The following SPTA1 variants were observed in gnomAD, a reference collection of about 807,000 sequenced individuals.
SPTA1 encodes the protein spectrin alpha, erythrocytic 1, also known as spectrin alpha chain, erythrocytic 1.
Under a neutral mutation model 324.7 loss-of-function variants are expected in SPTA1, and 177 were observed. The ratio of observed to expected loss-of-function variants is 0.55; its 90% CI spans 0.48 to 0.62. The LOEUF is 0.62. Ranked by LOEUF, SPTA1 falls within the 20% of genes least tolerant of loss-of-function variation. The pLI, the probability that SPTA1 is intolerant of heterozygous loss-of-function variation, is 0.00. For missense variants in SPTA1, 3,162 were observed against 2,883.6 expected (o/e 1.10, Z -2.21); for synonymous variants, 1,195 against 1,041.3 (o/e 1.15, Z -2.84).
At position 158,662,921 on chromosome 1, in the gene SPTA1, G is replaced by T. The variant is rs777149969; in HGVS notation, c.2245C>A (p.Leu749Met). Residue 749 changes from leucine to methionine, a missense_variant, in exon 17 of 52, where the codon CTG becomes ATG. Leu to Met is a conservative substitution (Grantham distance 15, BLOSUM62 2). Coordinates refer to ENST00000643759, the MANE Select transcript of SPTA1 (RefSeq NM_003126.4). ...CCTATTTCTTCAAAATATGCAGCCA[G>T]GTCTGTAAGGATATCCACCTGATCC... ...RQDQVDILTD[L>M]AAYFEEIGHP... 8.7e-6 allele frequency: 14 copies of T among 1,613,916 alleles called. No homozygotes were observed. The Admixed American group carries it at 1.5e-4, about 17-fold the overall frequency.
intron 39 of SPTA1, among the ~76,000 whole-genome samples, chr1:158,632,759 C>CTTTT (rs34990595): frequency 1.4e-5 from 2 of 138,326 alleles, no homozygotes; most frequent in Non-Finnish European, 1.6e-5. Context: ...AGGAATTTGG[C>CTTTT]TTTTTTTTTT....
chr1:158,644,201 T>C (rs1051478690), intron 30 of SPTA1, 52 bp downstream of exon 30: 5 of 1,604,746 alleles, frequency 3.1e-6, no homozygotes, highest in Non-Finnish European at 4.3e-6. Flanking sequence ...GTAGGATTTC[T>C]GTTATTATTA....
At chr1:158,636,178 G>T in intron 37 of SPTA1, 144 bp from the exon 38 acceptor site, 1 of 1,432,254 alleles carries the variant, frequency 7.0e-7, no homozygotes, top group Non-Finnish European at 9.7e-7. Context: ...TGAAAGTCCA[G>T]GGAGAATGAT....
chr1:158,634,770 C>G lies in SPTA1; in HGVS notation c.5433-95G>C, dbSNP rs1021652551. Reference sequence around the variant, plus strand: ...GCACAATCTCATTCAGGCAGACCAGCTTATTCTCACAAGGCAGCCACAGTT... The same window carrying G: ...GCACAATCTCATTCAGGCAGACCAGGTTATTCTCACAAGGCAGCCACAGTT... On this transcript the variant is annotated intron_variant, in intron 38 of 51. Transcript: ENST00000643759. 2.5e-5 allele frequency: 36 copies of G among 1,459,116 alleles called. No homozygotes were observed. In the African/African-American group the frequency reaches 4.5e-4, roughly 18 times the overall value. 90.4% of individuals were successfully genotyped at this position (1,459,116 alleles called of 1,614,324 possible). A position where few individuals can be genotyped will look rare whatever the true frequency, so the allele number is the denominator to read the frequency against.
rs886098653 is a variant in SPTA1 at position 158,649,908 on chromosome 1, C to T, written c.3517G>A (p.Asp1173Asn). ...SRWGSLQRLA[D>N]EQRQLLGSAH... The stretch of plus-strand genomic sequence containing the variant: ...CTGCCCAGCAGCTGCCGCTGTTCAT[C>T]TGCAAGCCTCTGCAAAGAACCCCAG... Residue 1173 changes from aspartate to asparagine, a missense_variant, in exon 25 of 52, where the codon GAT becomes AAT. Asp to Asn is a conservative substitution (Grantham distance 23). Coordinates refer to ENST00000643759, the MANE Select transcript of SPTA1 (RefSeq NM_003126.4). The T allele has an allele frequency of 1.2e-6, 2 of 1,613,812 alleles. No individual in the cohort carries two copies. Among genetic ancestry groups the T allele is most frequent in the African/African-American group, 2.7e-5 (2 of 75,054 alleles).
intron 46 of SPTA1, 61 bp from the exon 47 acceptor site, chr1:158,617,649 C>T: frequency 6.9e-7 from 1 of 1,452,170 alleles, no homozygotes; most frequent in Non-Finnish European, 9.7e-7. Context: ...TTCATACATG[C>T]ATACCAACTC....
chr1:158,638,602 A>G (rs1489005428), intron 35 of SPTA1, among the ~76,000 whole-genome samples: 1 of 151,964 alleles, frequency 6.6e-6, no homozygotes. Context: ...TGGATCAAGA[A>G]GTCAGGAGTT....
chr1:158,629,684 G>T lies in SPTA1; in HGVS notation c.5566-1961C>A, dbSNP rs530056103. On this transcript the variant is annotated intron_variant, in intron 39 of 51. Transcript: ENST00000643759. Reference sequence around the variant, plus strand: ...ATAGTACTGGAAGTCCTAGTAAAAGGCATCTAAATAAGAAAGGAAGAAGTA... The same window carrying T: ...ATAGTACTGGAAGTCCTAGTAAAAGTCATCTAAATAAGAAAGGAAGAAGTA... Among the ~76,000 whole-genome samples, 3 of 151,962 alleles carry T rather than the reference G, an allele frequency of 2.0e-5. No homozygotes were observed. In the East Asian group the frequency reaches 5.8e-4, roughly 29 times the overall value.
chr1:158,621,805 C>T (rs1011735985), intron 43 of SPTA1, among the ~76,000 whole-genome samples: 1 of 152,080 alleles, frequency 6.6e-6, no homozygotes, highest in African/African-American at 2.4e-5. Context: ...AATTTGTTAC[C>T]AAGTACAATG....
intron 42 of SPTA1, 34 bp downstream of exon 42, chr1:158,626,112 G>T (rs1401055857): frequency 6.3e-7 from 1 of 1,585,472 alleles, no homozygotes; most frequent in East Asian, 2.2e-5. Flanking sequence ...GTGTGAATCA[G>T]GTCTTGGGCT....
chr1:158,675,907 C>G (rs1359768068), intron 8 of SPTA1, among the ~76,000 whole-genome samples: 1 of 152,134 alleles, frequency 6.6e-6, no homozygotes, highest in Admixed American at 6.6e-5. Flanking sequence ...TTCCATTTAA[C>G]ATTTTCAAAC....
intron 39 of SPTA1, among the ~76,000 whole-genome samples, chr1:158,629,137 G>A (rs1213302164): frequency 1.6e-5 from 1 of 64,316 alleles, no homozygotes; most frequent in African/African-American, 9.4e-5. Flanking sequence ...ATAGATAGAT[G>A]ATAGATAGAT....
chr1:158,659,427 G>A (rs11265046), intron 18 of SPTA1, among the ~76,000 whole-genome samples: 1 of 151,618 alleles, frequency 6.6e-6, no homozygotes, highest in Non-Finnish European at 1.5e-5. Context: ...CTGATTAATA[G>A]TTCCCATATA....
intron 25 of SPTA1, among the ~76,000 whole-genome samples, 176 bp downstream of exon 25, chr1:158,649,680 G>T (rs1221656544): frequency 2.6e-5 from 4 of 152,184 alleles, no homozygotes. Flanking sequence ...CTAGTTGTCT[G>T]GGAGTATCCT....
rs325997 is a variant in SPTA1, at chr1:158,677,522, A to G, written c.957+168T>C. 0.96 allele frequency among the ~76,000 whole-genome samples: 146,331 copies of G among 152,276 alleles called. 70,577 individuals carry two copies. Among genetic ancestry groups the G allele is most frequent in the East Asian group, 1 (5,183 of 5,184 alleles). ...AAAATAAGGTATATCCAGTATCCACATACGAGTTATGAACTAGAATGAAGA... is the reference window on the plus strand; with the variant it reads ...AAAATAAGGTATATCCAGTATCCACGTACGAGTTATGAACTAGAATGAAGA... On this transcript the variant is annotated intron_variant, in intron 7 of 51. Coordinates refer to ENST00000643759, the MANE Select transcript of SPTA1 (RefSeq NM_003126.4).
intron 41 of SPTA1, 43 bp downstream of exon 41, chr1:158,626,796 G>T: frequency 6.2e-7 from 1 of 1,611,722 alleles, no homozygotes; most frequent in South Asian, 1.1e-5. Context: ...GGATTTATTA[G>T]GGTTTCTCAA....
rs756076041 is a variant in SPTA1, at chr1:158,623,070, G to T, written c.6033C>A (p.Ala2011=). ...ACTGTTCCCAGCGCTTCAGCAGAGC[G>T]GCATAACGCTCTTCAATGGCTTTAG... ...NQSKAIEERY[A]ALLKRWEQLL... The change falls in exon 43 of 52, where the codon GCC becomes GCA. Residue 2011 remains alanine, a synonymous_variant. Coordinates refer to ENST00000643759, the MANE Select transcript of SPTA1 (RefSeq NM_003126.4). The T allele has an allele frequency of 1.2e-6, 2 of 1,614,134 alleles. No individual in the cohort carries two copies. The highest frequency in any genetic ancestry group is 2.2e-5 in the South Asian group (2 of 91,076).
At chr1:158,637,963 A>C in intron 36 of SPTA1, 70 bp downstream of exon 36, 1 of 1,528,880 alleles carries the variant, frequency 6.5e-7, no homozygotes. Context: ...TTCAGCATAA[A>C]TTGGAACAAG....
At chr1:158,660,900 T>A (rs1028273033) in intron 18 of SPTA1, among the ~76,000 whole-genome samples, 5 of 152,220 alleles carry the variant, frequency 3.3e-5, no homozygotes, top group Non-Finnish European at 7.3e-5. Context: ...TAAAAATAGT[T>A]CAACACTGCA....
Sources: gnomAD v4.1 joint callset for allele counts (sites outside exome capture counted in the v4.1 genomes callset) on GRCh38, gnomAD v4.1.1 for gene constraint, MANE v1.5 for transcripts, NCBI Gene and HGNC (gene_info 2026-07-23, HGNC 2026-07-21) for gene names.